Variants in HTR4 observed in about 807,000 individuals in gnomAD.
The protein encoded by HTR4 is 5-hydroxytryptamine receptor 4, also known as 5-hydroxytryptamine (serotonin) receptor 4, G protein-coupled.
In HTR4, 16 loss-of-function variants were observed where a neutral mutation model predicts 36.8. That is an observed-to-expected ratio of 0.43 (90% CI 0.29 to 0.66). The LOEUF (loss-of-function observed/expected upper bound fraction) is 0.66, where lower values mean the gene tolerates loss of function less well. HTR4 is among the 30% of genes least tolerant of loss of function. The probability of loss-of-function intolerance (pLI) is 0.13; values close to 1 mark genes in which losing one functional copy is unlikely to be tolerated. For synonymous variants in HTR4, 189 were observed against 185.1 expected (o/e 1.02, Z -0.17); for missense variants, 438 against 490.9 (o/e 0.89, Z 1.02).
intron 1 of HTR4, among the ~76,000 whole-genome samples, chr5:148,638,778 G>A (rs929844181): frequency 6.6e-6 from 1 of 152,070 alleles, no homozygotes; most frequent in Non-Finnish European, 1.5e-5. Flanking sequence ...TTCCTGGCCG[G>A]GGGCAGTAGC....
intron 5 of HTR4, among the ~76,000 whole-genome samples, chr5:148,455,233 C>T (rs1016022905): frequency 3.9e-5 from 6 of 152,122 alleles, no homozygotes; most frequent in African/African-American, 1.4e-4. Flanking sequence ...ATGCATGGTG[C>T]CCGTACCCTT....
chr5:148,586,623 TCG>T (rs1205670397), intron 2 of HTR4, among the ~76,000 whole-genome samples: 1 of 152,034 alleles, frequency 6.6e-6, no homozygotes, highest in Non-Finnish European at 1.5e-5. Flanking sequence ...GGTCCCTCCC[TCG>T]ACATGTGGGG....
intron 4 of HTR4, among the ~76,000 whole-genome samples, chr5:148,531,359 G>A (rs1288945251): frequency 6.6e-6 from 1 of 152,088 alleles, no homozygotes; most frequent in Non-Finnish European, 1.5e-5. Flanking sequence ...TCATGATGGT[G>A]AATGGGTCTC....
rs1417370203 is a variant in HTR4 at position 148,654,115 on chromosome 5, C to A, written c.-101G>T. 4 of 985,516 alleles carry A rather than the reference C, an allele frequency of 4.1e-6. No homozygotes were observed. The highest frequency in any genetic ancestry group is 1.1e-4 in the East Asian group (1 of 8,798). 61.0% of individuals were successfully genotyped at this position (985,516 alleles called of 1,614,324 possible). A position where few individuals can be genotyped will look rare whatever the true frequency, so the allele number is the denominator to read the frequency against. ...CCCTGGCAGATTCGAGCGGCCACCC[C>A]CAGCCGCTGAGCCGAGCTTCTGCTG... On this transcript the variant is annotated 5_prime_UTR_variant, in exon 1 of 7. Transcript: ENST00000377888.
Position 148,576,124 on chromosome 5 carries a change from A to ACAAACAAAC in HTR4, c.27-25863_27-25862insGTTTGTTTG, listed in dbSNP as rs1554097001. ...AGACTCCGTCTCAAAAAAAAAAAAA[A>ACAAACAAAC]AAAAAAAAACAAAATCAATGTAAAA... On this transcript the variant is annotated intron_variant, in intron 2 of 6. Coordinates refer to ENST00000377888, the MANE Select transcript of HTR4 (RefSeq NM_000870.7). Among the ~76,000 whole-genome samples the ACAAACAAAC allele has an allele frequency of 4.0e-3, 588 of 147,504 alleles. 19 individuals carry two copies. The highest frequency in any genetic ancestry group is 0.014 in the African/African-American group (559 of 39,422).
At chr5:148,590,819 G>GA (rs1487343768) in intron 2 of HTR4, among the ~76,000 whole-genome samples, 1 of 151,416 alleles carries the variant, frequency 6.6e-6, no homozygotes, top group Non-Finnish European at 1.5e-5. Context: ...TTCCTGTGAA[G>GA]AAACTCAAGT....
chr5:148,641,824 T>C (rs933025429), intron 1 of HTR4, among the ~76,000 whole-genome samples: 1 of 152,188 alleles, frequency 6.6e-6, no homozygotes, highest in Non-Finnish European at 1.5e-5. Flanking sequence ...TTCAGAATTA[T>C]CTGAAATATT....
intron 2 of HTR4, among the ~76,000 whole-genome samples, chr5:148,555,790 A>G: frequency 6.6e-6 from 1 of 152,162 alleles, no homozygotes; most frequent in South Asian, 2.1e-4. Flanking sequence ...TCTGCTCTTC[A>G]TGAAAGAAAA....
chr5:148,571,654 G>T (rs751106431), intron 2 of HTR4, among the ~76,000 whole-genome samples: 1 of 151,990 alleles, frequency 6.6e-6, no homozygotes, highest in Non-Finnish European at 1.5e-5. Context: ...GAGCTAGGCT[G>T]TTTCGATAGA....
chr5:148,607,636 C>A (rs1350668394), intron 2 of HTR4, among the ~76,000 whole-genome samples: 2 of 152,148 alleles, frequency 1.3e-5, no homozygotes, highest in Non-Finnish European at 2.9e-5. Flanking sequence ...CCAGTCCCAG[C>A]CAATTGGAGC....
Position 148,482,288 on chromosome 5 carries a change from A to G in HTR4, c.*915T>C, listed in dbSNP as rs1007214511. ...AGCCAGATTGAAGGGTTTCAAAATGATATCACAAGTTCATGGGAAAGATCC... is the reference window on the plus strand; with the variant it reads ...AGCCAGATTGAAGGGTTTCAAAATGGTATCACAAGTTCATGGGAAAGATCC... On this transcript the variant is annotated 3_prime_UTR_variant, in exon 7 of 7. Coordinates refer to ENST00000377888, the MANE Select transcript of HTR4 (RefSeq NM_000870.7). 1.0e-6 allele frequency: 1 copy of G among 985,372 alleles called. No individual in the cohort carries two copies. The highest frequency in any genetic ancestry group is 1.2e-6 in the Non-Finnish European group (1 of 830,008). The allele number at this position is 985,372 out of a possible 1,614,324, so 61.0% of individuals were successfully genotyped here.
intron 1 of HTR4, among the ~76,000 whole-genome samples, chr5:148,648,714 G>A (rs942132819): frequency 3.3e-5 from 5 of 151,426 alleles, no homozygotes; most frequent in African/African-American, 1.2e-4. Flanking sequence ...ACAAGGATGA[G>A]CCCGTGGCAA....
chr5:148,483,007 A>G lies in HTR4; in HGVS notation c.*196T>C, dbSNP rs975028430. On this transcript the variant is annotated 3_prime_UTR_variant, in exon 7 of 7. Transcript: ENST00000377888. ...GAAATAAAAAGTGAACAAGGAGGCC[A>G]TTATGTCCCCTGACTCCCTCCAGCG... 7.0e-6 allele frequency: 10 copies of G among 1,436,664 alleles called. No homozygotes were observed. In the South Asian group the frequency reaches 7.6e-5, roughly 11 times the overall value. The allele number at this position is 1,436,664 out of a possible 1,614,324, so 89.0% of individuals were successfully genotyped here. A position where few individuals can be genotyped will look rare whatever the true frequency, so the allele number is the denominator to read the frequency against.
intron 5 of HTR4, among the ~76,000 whole-genome samples, chr5:148,464,279 G>T (rs188092315): frequency 1.6e-4 from 24 of 152,196 alleles, no homozygotes; most frequent in Admixed American, 1.1e-3. Context: ...GCTCTTTGAG[G>T]TTAAGAGAAT....
At position 148,608,117 on chromosome 5, in the gene HTR4, C is replaced by A. The variant is rs10051017; in HGVS notation, c.26+28872G>T. ...AATACATTCTTGTCTGGATGAAGAG[C>A]TGGTTTATCAAGCGATAACTAAGGC... On this transcript the variant is annotated intron_variant, in intron 2 of 6. Transcript: ENST00000377888. 5.9e-3 allele frequency among the ~76,000 whole-genome samples: 894 copies of A among 152,266 alleles called. 10 individuals are homozygous for A. The highest frequency in any genetic ancestry group is 0.02 in the African/African-American group (847 of 41,550).
At chr5:148,634,901 T>C (rs1379311591) in intron 2 of HTR4, among the ~76,000 whole-genome samples, 1 of 152,178 alleles carries the variant, frequency 6.6e-6, no homozygotes, top group African/African-American at 2.4e-5. Flanking sequence ...GGACATCCCT[T>C]ATCAAAGAAG....
intron 5 of HTR4, chr5:148,465,893 A>G: frequency 6.2e-7 from 1 of 1,613,712 alleles, no homozygotes. Context: ...ATTGCAGAAG[A>G]GCAGGAGGAA....
At chr5:148,476,587 A>T (rs770090144), downstream of HTR4, 55 of 1,479,418 alleles carry the variant, frequency 3.7e-5, no homozygotes, top group Admixed American at 6.3e-4. Flanking sequence ...GTGGGCTGGT[A>T]CAGTGGAGAT....
intron 5 of HTR4, among the ~76,000 whole-genome samples, chr5:148,455,112 A>G (rs1242185964): frequency 6.6e-6 from 1 of 152,198 alleles, no homozygotes; most frequent in African/African-American, 2.4e-5. Flanking sequence ...TATTTCATGT[A>G]TACAATTTAC....
Sources: allele counts gnomAD v4.1 joint callset (sites outside exome capture counted in the v4.1 genomes callset), GRCh38; gene constraint gnomAD v4.1.1; transcripts MANE v1.5; gene names NCBI Gene and HGNC (gene_info 2026-07-23, HGNC 2026-07-21).